AHCYL1: variants seen among roughly 807,000 people sequenced by gnomAD.
AHCYL1 encodes adenosylhomocysteinase like 1, also known as S-adenosylhomocysteine hydrolase-like protein 1.
In AHCYL1, 20 loss-of-function variants were observed where a neutral mutation model predicts 79.3. That is an observed-to-expected ratio of 0.25 (90% confidence interval 0.18 to 0.37). The LOEUF (loss-of-function observed/expected upper bound fraction) is 0.37. Among genes scored for constraint, AHCYL1 ranks in the 10% least tolerant of loss-of-function variants. AHCYL1 has a pLI of 1.00. For missense variants in AHCYL1, 330 were observed against 673.6 expected, an observed-to-expected ratio of 0.49 and a Z score of 5.65; for synonymous variants, 223 against 242.2, an observed-to-expected ratio of 0.92 and a Z score of 0.74.
At position 109,984,947 on chromosome 1, in the gene AHCYL1, G is replaced by A. The variant is rs1649381588; in HGVS notation, c.-106G>A. ...AGCTCGACGCAGGGGCCGGCAGGAG[G>A]GTGGGCGATCGCGTGTCGGAGGGCG... is the stretch of plus-strand genomic sequence containing the variant. On this transcript the variant is annotated 5_prime_UTR_variant, in exon 1 of 17. Transcript: ENST00000369799. 2 of 1,346,172 alleles carry A rather than the reference G, an allele frequency of 1.5e-6. No homozygotes were observed. The highest frequency in any genetic ancestry group is 1.6e-5 in the African/African-American group (1 of 64,262). 83.4% of individuals were successfully genotyped at this position (1,346,172 alleles called of 1,614,324 possible).
At chr1:110,006,240 C>T (rs1363806866) in intron 1 of AHCYL1, among the ~76,000 whole-genome samples, 1 of 152,184 alleles carries the variant, frequency 6.6e-6, no homozygotes, top group Non-Finnish European at 1.5e-5. Flanking sequence ...AGCATAACAT[C>T]ATTCTTTAAC....
intron 4 of AHCYL1, 21 bp downstream of exon 4, chr1:110,012,483 G>A (rs771545166): frequency 1.3e-6 from 2 of 1,555,138 alleles, no homozygotes; most frequent in South Asian, 2.5e-5. Flanking sequence ...TGGAAGAAAA[G>A]AGGGACTTCT....
intron 1 of AHCYL1, among the ~76,000 whole-genome samples, chr1:109,996,769 TCATATTCTTATGGAACCAC>T (rs1233517935): frequency 6.6e-6 from 1 of 152,218 alleles, no homozygotes; most frequent in African/African-American, 2.4e-5. Flanking sequence ...TTCAGCTCTA[TCATATTCTTATGGAACCAC>T]CACTGTATAT....
intron 1 of AHCYL1, 144 bp downstream of exon 1, chr1:109,985,316 C>T (rs2101685021): frequency 1.5e-6 from 2 of 1,372,286 alleles, no homozygotes; most frequent in East Asian, 6.0e-5. Flanking sequence ...GCTGTGCGGC[C>T]CCAGGCCTCT....
chr1:109,994,678 G>C (rs1649937522), intron 1 of AHCYL1, among the ~76,000 whole-genome samples: 1 of 152,194 alleles, frequency 6.6e-6, no homozygotes, highest in Non-Finnish European at 1.5e-5. Context: ...TTTCTTATGG[G>C]TGGCCAGGTG....
At chr1:110,015,216 G>A (rs180735462) in intron 6 of AHCYL1, among the ~76,000 whole-genome samples, 166 of 152,330 alleles carry the variant, frequency 1.1e-3, no homozygotes, top group Admixed American at 1.0e-2. Flanking sequence ...ACTCATCACT[G>A]TAGCCTAAAG....
chr1:110,011,435 TGAAA>T, intron 3 of AHCYL1, 78 bp downstream of exon 3: 1 of 1,570,014 alleles, frequency 6.4e-7, no homozygotes, highest in Non-Finnish European at 8.6e-7. Flanking sequence ...ACTTAAGACT[TGAAA>T]GCTGACTTGA....
At chr1:110,012,842 C>A in intron 4 of AHCYL1, 55 bp from the exon 5 acceptor site, 1 of 1,405,086 alleles carries the variant, frequency 7.1e-7, no homozygotes, top group South Asian at 1.3e-5. Context: ...GGCTTGCTCT[C>A]CATTCCTGGG....
intron 1 of AHCYL1, among the ~76,000 whole-genome samples, chr1:109,988,426 G>A (rs999209269): frequency 6.6e-6 from 1 of 152,086 alleles, no homozygotes; most frequent in Non-Finnish European, 1.5e-5. Context: ...GGCAGTTATC[G>A]GTCAAACCAA....
At chr1:109,995,623 G>C (rs1472609214) in intron 1 of AHCYL1, 1 of 980,870 alleles carries the variant, frequency 1.0e-6, no homozygotes, top group Non-Finnish European at 1.2e-6. Flanking sequence ...AGTAAACTCA[G>C]TGTACTTGTG....
intron 1 of AHCYL1, among the ~76,000 whole-genome samples, chr1:109,989,123 C>G (rs902190301): frequency 6.6e-6 from 1 of 152,206 alleles, no homozygotes; most frequent in African/African-American, 2.4e-5. Context: ...AGAAGATCCT[C>G]TTTTTAAGAT....
At chr1:110,019,009 C>A in intron 13 of AHCYL1, 42 bp from the exon 14 acceptor site, 1 of 1,590,856 alleles carries the variant, frequency 6.3e-7, no homozygotes, top group Non-Finnish European at 8.6e-7. Flanking sequence ...CCATTGGAAT[C>A]TGAGACAGAG....
chr1:110,004,473 G>A, intron 1 of AHCYL1: 1 of 985,404 alleles, frequency 1.0e-6, no homozygotes, highest in Non-Finnish European at 1.2e-6. Flanking sequence ...TGGGAGCATT[G>A]TGTTGGGAAG....
chr1:109,990,869 A>T (rs573025685), intron 1 of AHCYL1, among the ~76,000 whole-genome samples: 2 of 152,298 alleles, frequency 1.3e-5, no homozygotes, highest in East Asian at 1.9e-4. Context: ...AATTACATGA[A>T]ATAATTGCAA....
intron 3 of AHCYL1, among the ~76,000 whole-genome samples, chr1:110,011,840 C>T (rs571066831): frequency 6.6e-6 from 1 of 152,334 alleles, no homozygotes; most frequent in Non-Finnish European, 1.5e-5. Context: ...CTTGGTTTCT[C>T]TACCCCAGCC....
intron 2 of AHCYL1, among the ~76,000 whole-genome samples, chr1:110,010,171 AG>A (rs1299880035): frequency 6.6e-6 from 1 of 152,392 alleles, no homozygotes. Flanking sequence ...CGACTGAAGA[AG>A]GCTTTTAAAA....
intron 1 of AHCYL1, among the ~76,000 whole-genome samples, chr1:109,991,288 A>T (rs1423105476): frequency 6.6e-6 from 1 of 152,188 alleles, no homozygotes; most frequent in Non-Finnish European, 1.5e-5. Context: ...TGGGGTAGAG[A>T]TTGGAAAAGT....
Position 110,021,766 on chromosome 1 carries a change from C to T in AHCYL1, c.*86C>T, listed in dbSNP as rs1651819190. On this transcript the variant is annotated 3_prime_UTR_variant, in exon 17 of 17. Transcript: ENST00000369799. ...AGATAACTTTTATTTTCTTCTTACT[C>T]CTTTCCTCTTGATTTTTTTCCTATA... 7.1e-7 allele frequency: 1 copy of T among 1,403,456 alleles called. No individual in the cohort carries two copies. The highest frequency in any genetic ancestry group is 9.9e-7 in the Non-Finnish European group (1 of 1,013,576). The allele number at this position is 1,403,456 out of a possible 1,614,324, so 86.9% of individuals were successfully genotyped here.
At chr1:110,019,179 G>T in intron 14 of AHCYL1, 60 bp downstream of exon 14, 1 of 1,485,610 alleles carries the variant, frequency 6.7e-7, no homozygotes, top group Admixed American at 1.7e-5. Flanking sequence ...GCGTAGATCA[G>T]TTCCAGTGAG....
Sources: gnomAD v4.1 joint callset for allele counts (sites outside exome capture counted in the v4.1 genomes callset) on GRCh38, gnomAD v4.1.1 for gene constraint, MANE v1.5 for transcripts, NCBI Gene and HGNC (gene_info 2026-07-23, HGNC 2026-07-21) for gene names.